LRMDA: variants seen among roughly 807,000 people sequenced by gnomAD.
LRMDA encodes leucine rich melanocyte differentiation associated.
Under a neutral mutation model 29.8 loss-of-function variants are expected in LRMDA, and 18 were observed. The ratio of observed to expected loss-of-function variants is 0.60; its 90% confidence interval spans 0.42 to 0.90. LRMDA has a LOEUF of 0.90. Ranked by LOEUF, LRMDA falls within the 40% of genes least tolerant of loss-of-function variation. LRMDA has a pLI of 0.00. For missense variants in LRMDA, 273 were observed against 273.9 expected, an observed-to-expected ratio of 1.00 and a Z score of 0.02; for synonymous variants, 125 against 109.4, an observed-to-expected ratio of 1.14 and a Z score of -0.89.
At chr10:76,418,294 C>T (rs1263058894) in intron 6 of LRMDA, among the ~76,000 whole-genome samples, 1 of 151,232 alleles carries the variant, frequency 6.6e-6, no homozygotes, top group Non-Finnish European at 1.5e-5. Flanking sequence ...TTTAGGTCTT[C>T]TTTAGTTAAC....
intron 2 of LRMDA, chr10:75,552,387 C>T (rs149813833): frequency 5.4e-4 from 126 of 232,974 alleles, no homozygotes; most frequent in Middle Eastern, 9.2e-4. Context: ...TTGAGCAGTG[C>T]GCTGTCATTC....
chr10:76,515,860 TG>T (rs1311535258), intron 6 of LRMDA, among the ~76,000 whole-genome samples: 1 of 152,154 alleles, frequency 6.6e-6, no homozygotes, highest in African/African-American at 2.4e-5. Context: ...AGTGCATTTC[TG>T]GGTCAGCTAG....
chr10:76,317,289 G>A lies in LRMDA; in HGVS notation c.517-7112G>A, dbSNP rs117756461. 2.6e-4 allele frequency among the ~76,000 whole-genome samples: 39 copies of A among 152,174 alleles called. 1 individual carries two copies. The East Asian group carries it at 6.0e-3, about 23-fold the overall frequency. The stretch of plus-strand genomic sequence containing the variant: ...TCTCATACATTGGATAACCATTAGC[G>A]TTTACCATATATTCAAGAAATATTA... On this transcript the variant is annotated intron_variant, in intron 5 of 6. Transcript: ENST00000611255.
intron 2 of LRMDA, among the ~76,000 whole-genome samples, chr10:75,837,270 A>G (rs1224173885): frequency 6.6e-6 from 1 of 152,176 alleles, no homozygotes; most frequent in East Asian, 1.9e-4. Flanking sequence ...ACAGATAGTC[A>G]CTACTCCTGT....
chr10:76,026,134 A>T (rs532509592), intron 2 of LRMDA, among the ~76,000 whole-genome samples: 1 of 152,388 alleles, frequency 6.6e-6, no homozygotes, highest in South Asian at 2.1e-4. Flanking sequence ...CATGGAGTAC[A>T]GAGTGAAAGG....
At position 75,631,368 on chromosome 10, in the gene LRMDA, TC is replaced by T. The variant is rs950756014; in HGVS notation, c.131+192878del. Among the ~76,000 whole-genome samples the T allele has an allele frequency of 1.8e-4, 28 of 151,568 alleles. 1 individual carries two copies. Among genetic ancestry groups the T allele is most frequent in the Middle Eastern group, 6.8e-3 (2 of 294 alleles). ...ATCTTTTGCAGTTTCTGCTCATGAC[TC>T]CCCTTCTAATGTCCAGGCAGTGAAC... On this transcript the variant is annotated intron_variant, in intron 2 of 6. Coordinates refer to ENST00000611255, the MANE Select transcript of LRMDA (RefSeq NM_001305581.2).
intron 5 of LRMDA, among the ~76,000 whole-genome samples, chr10:76,166,834 G>A (rs1850749540): frequency 6.6e-6 from 1 of 152,104 alleles, no homozygotes; most frequent in African/African-American, 2.4e-5. Context: ...AGGTCGAATG[G>A]TAGCTCTATT....
Position 75,988,813 on chromosome 10 carries a change from T to G in LRMDA, c.132-47195T>G, listed in dbSNP as rs182502770. On this transcript the variant is annotated intron_variant, in intron 2 of 6. Coordinates refer to ENST00000611255, the MANE Select transcript of LRMDA (RefSeq NM_001305581.2). ...AGCCTCCTCCCTGGCCCTGGCTCCC[T>G]CCATGCCAGTGGGTGCGGCCTGTCC... Among the ~76,000 whole-genome samples, 499 of 152,266 alleles carry G rather than the reference T, an allele frequency of 3.3e-3. 1 individual carries two copies. The highest frequency in any genetic ancestry group is 0.011 in the African/African-American group (469 of 41,546).
intron 2 of LRMDA, among the ~76,000 whole-genome samples, chr10:75,711,179 A>G (rs1422862484): frequency 6.6e-6 from 1 of 152,206 alleles, no homozygotes; most frequent in Non-Finnish European, 1.5e-5. Flanking sequence ...TTCTTAAATT[A>G]GAAAGAAGCT....
chr10:75,563,511 A>G (rs2132064236), intron 2 of LRMDA, among the ~76,000 whole-genome samples: 1 of 152,184 alleles, frequency 6.6e-6, no homozygotes, highest in East Asian at 1.9e-4. Flanking sequence ...TGATCTTCTG[A>G]AGCCTTCTTC....
At chr10:75,519,635 A>G (rs1165283978) in intron 2 of LRMDA, among the ~76,000 whole-genome samples, 2 of 152,064 alleles carry the variant, frequency 1.3e-5, no homozygotes, top group Non-Finnish European at 2.9e-5. Flanking sequence ...TGTTTATCCA[A>G]TTTGCCAGTC....
intron 2 of LRMDA, among the ~76,000 whole-genome samples, chr10:75,501,010 G>T (rs540912696): frequency 2.6e-5 from 4 of 152,308 alleles, no homozygotes; most frequent in African/African-American, 9.6e-5. Context: ...TTTGCATGTT[G>T]TCTCTGCTTC....
At chr10:76,477,208 G>A (rs907778331) in intron 6 of LRMDA, among the ~76,000 whole-genome samples, 12 of 151,790 alleles carry the variant, frequency 7.9e-5, no homozygotes, top group Non-Finnish European at 1.5e-4. Context: ...CAAAGTCTCA[G>A]GATACAAAAT....
At chr10:75,801,723 A>G (rs540135181) in intron 2 of LRMDA, among the ~76,000 whole-genome samples, 1 of 152,170 alleles carries the variant, frequency 6.6e-6, no homozygotes, top group Non-Finnish European at 1.5e-5. Flanking sequence ...TAAGCCATTG[A>G]ACTTCGGCAT....
At chr10:75,786,906 A>C (rs536573925) in intron 2 of LRMDA, among the ~76,000 whole-genome samples, 242 of 152,360 alleles carry the variant, frequency 1.6e-3, no homozygotes, top group African/African-American at 5.6e-3. Flanking sequence ...ACAAGGATGA[A>C]TCCTAAATGG....
At chr10:76,339,883 A>G (rs1841016022) in intron 6 of LRMDA, among the ~76,000 whole-genome samples, 2 of 152,124 alleles carry the variant, frequency 1.3e-5, no homozygotes, top group Admixed American at 1.3e-4. Flanking sequence ...AAAGAGAAGT[A>G]GCATCTCATC....
At chr10:76,338,394 AAAT>A (rs1840996301) in intron 6 of LRMDA, among the ~76,000 whole-genome samples, 1 of 151,632 alleles carries the variant, frequency 6.6e-6, no homozygotes, top group Non-Finnish European at 1.5e-5. Flanking sequence ...ATAAATAAAT[AAAT>A]AATAAATAAA....
intron 6 of LRMDA, among the ~76,000 whole-genome samples, chr10:76,455,247 C>T (rs1235798899): frequency 6.6e-6 from 1 of 152,096 alleles, no homozygotes; most frequent in African/African-American, 2.4e-5. Flanking sequence ...TAGTTCAACT[C>T]GTCACCCAAC....
intron 1 of LRMDA, among the ~76,000 whole-genome samples, chr10:75,431,984 C>G (rs927423259): frequency 3.3e-5 from 5 of 152,190 alleles, no homozygotes; most frequent in Admixed American, 2.0e-4. Context: ...CAAGGTCTCC[C>G]GTTCTCCCCA....
Sources: allele counts gnomAD v4.1 joint callset (sites outside exome capture counted in the v4.1 genomes callset), GRCh38; gene constraint gnomAD v4.1.1; transcripts MANE v1.5; gene names NCBI Gene and HGNC (gene_info 2026-07-23, HGNC 2026-07-21).